Variants in FAM53B observed in about 807,000 individuals in gnomAD.
The protein encoded by FAM53B is family with sequence similarity 53 member B, also known as protein FAM53B.
FAM53B carries 12 observed loss-of-function variants against 32.7 expected under a neutral mutation model. The observed-to-expected ratio is 0.37, with a 90% CI of 0.24 to 0.59. The LOEUF (loss-of-function observed/expected upper bound fraction) is 0.59, where lower values mean the gene tolerates loss of function less well. FAM53B is among the 20% of genes least tolerant of loss of function. The pLI is 0.72. For missense variants in FAM53B, 477 were observed against 577.7 expected, an observed-to-expected ratio of 0.83 and a Z score of 1.79; for synonymous variants, 234 against 228.7, an observed-to-expected ratio of 1.02 and a Z score of -0.21.
At chr10:124,703,794 A>G (rs935977720) in intron 2 of FAM53B, 2 of 152,396 alleles carry the variant, frequency 1.3e-5, no homozygotes, top group African/African-American at 4.8e-5. Flanking sequence ...GAGTTCAGGA[A>G]GAAAGCACAG....
At chr10:124,701,532 A>G (rs1949914853) in intron 2 of FAM53B, among the ~76,000 whole-genome samples, 1 of 152,220 alleles carries the variant, frequency 6.6e-6, no homozygotes, top group Non-Finnish European at 1.5e-5. Flanking sequence ...GGAGGTGGTC[A>G]CTCTGGAAAC....
intron 4 of FAM53B, among the ~76,000 whole-genome samples, chr10:124,652,457 C>T (rs964805929): frequency 2.0e-5 from 3 of 152,108 alleles, no homozygotes; most frequent in Non-Finnish European, 4.4e-5. Context: ...AGAAGGGGCC[C>T]GGCCCACAGC....
At chr10:124,623,690 A>G (rs1949327607) in intron 4 of FAM53B, 86 bp from the exon 5 acceptor site, 2 of 1,449,742 alleles carry the variant, frequency 1.4e-6, no homozygotes, top group Admixed American at 4.8e-5. Flanking sequence ...CAACTAGACC[A>G]CCAGGCTGTG....
chr10:124,674,382 G>A (rs1025805893), intron 4 of FAM53B, among the ~76,000 whole-genome samples: 9 of 152,180 alleles, frequency 5.9e-5, no homozygotes, highest in Admixed American at 3.9e-4. Context: ...AGCTCCAAGC[G>A]CTTCATACAA....
intron 4 of FAM53B, among the ~76,000 whole-genome samples, chr10:124,680,484 G>C (rs760643554): frequency 6.6e-6 from 1 of 152,198 alleles, no homozygotes; most frequent in Non-Finnish European, 1.5e-5. Context: ...CCCATGAAGA[G>C]AAACTGCATG....
At position 124,742,193 on chromosome 10, in the gene FAM53B, A is replaced by G. The variant is rs575520857; in HGVS notation, c.-175+1820T>C. On this transcript the variant is annotated intron_variant, in intron 1 of 4. Transcript: ENST00000337318. The stretch of plus-strand genomic sequence containing the variant: ...ACTCCCAGGTCGCATGATGGGTGAC[A>G]GCCAAGTGCAGACACAGAGTCAAGG... Among the ~76,000 whole-genome samples the G allele has an allele frequency of 3.3e-5, 5 of 152,330 alleles. No individual in the cohort carries two copies. The South Asian group carries it at 1.0e-3, about 32-fold the overall frequency.
At chr10:124,638,747 G>A (rs1949450039) in intron 4 of FAM53B, among the ~76,000 whole-genome samples, 1 of 152,368 alleles carries the variant, frequency 6.6e-6, no homozygotes, top group South Asian at 2.1e-4. Flanking sequence ...CTTCAGGGGC[G>A]AGGACAAGGT....
chr10:124,628,147 C>A (rs1033900014), intron 4 of FAM53B, among the ~76,000 whole-genome samples: 1 of 152,212 alleles, frequency 6.6e-6, no homozygotes, highest in South Asian at 2.1e-4. Context: ...CTGAACTAAA[C>A]CACATGTTTT....
chr10:124,742,188 G>C (rs1447141700), intron 1 of FAM53B, among the ~76,000 whole-genome samples: 1 of 152,144 alleles, frequency 6.6e-6, no homozygotes, highest in Non-Finnish European at 1.5e-5. Context: ...CGCATGATGG[G>C]TGACAGCCAA....
intron 1 of FAM53B, among the ~76,000 whole-genome samples, chr10:124,734,940 T>C (rs115015015): frequency 1.3e-3 from 198 of 152,276 alleles, no homozygotes; most frequent in African/African-American, 4.5e-3. Context: ...AGGGCTCCTT[T>C]CAAAGCTTCA....
intron 1 of FAM53B, among the ~76,000 whole-genome samples, chr10:124,728,535 C>T (rs1192797549): frequency 2.0e-5 from 3 of 152,226 alleles, no homozygotes; most frequent in South Asian, 2.1e-4. Context: ...GGATCCCTGA[C>T]GCCTCCAGAC....
At chr10:124,719,930 A>C (rs1439500749) in intron 1 of FAM53B, among the ~76,000 whole-genome samples, 1 of 152,228 alleles carries the variant, frequency 6.6e-6, no homozygotes, top group Non-Finnish European at 1.5e-5. Flanking sequence ...TGGGAGGCCA[A>C]GGCAGGCAGA....
chr10:124,721,843 G>A (rs893295470), intron 1 of FAM53B, among the ~76,000 whole-genome samples: 7 of 152,152 alleles, frequency 4.6e-5, no homozygotes, highest in Admixed American at 6.5e-5. Context: ...AGTACATATC[G>A]TATCGTTAGG....
chr10:124,685,796 C>T (rs1445159742), intron 3 of FAM53B, among the ~76,000 whole-genome samples: 2 of 152,218 alleles, frequency 1.3e-5, no homozygotes, highest in African/African-American at 4.8e-5. Context: ...CATGGCCAGC[C>T]TGCGATCTTG....
At chr10:124,656,768 G>T (rs371583666) in intron 4 of FAM53B, among the ~76,000 whole-genome samples, 4 of 152,086 alleles carry the variant, frequency 2.6e-5, no homozygotes, top group South Asian at 4.1e-4. Context: ...AACATTCACA[G>T]TCTTTGAAAC....
chr10:124,690,554 A>G (rs1406197770), intron 3 of FAM53B, among the ~76,000 whole-genome samples: 2 of 152,232 alleles, frequency 1.3e-5, no homozygotes, highest in Non-Finnish European at 2.9e-5. Context: ...AACCTGGGTA[A>G]GAAGGCAGCC....
chr10:124,666,968 G>T (rs953235195), intron 4 of FAM53B, among the ~76,000 whole-genome samples: 1 of 152,206 alleles, frequency 6.6e-6, no homozygotes, highest in African/African-American at 2.4e-5. Context: ...TTACCAGCTG[G>T]CATTGGGCCC....
intron 3 of FAM53B, among the ~76,000 whole-genome samples, chr10:124,686,713 A>C (rs1463430670): frequency 6.6e-6 from 1 of 152,278 alleles, no homozygotes; most frequent in Non-Finnish European, 1.5e-5. Context: ...AGCAGGGCAC[A>C]CAGCAGACCT....
At chr10:124,643,989 G>C (rs1949494179) in intron 4 of FAM53B, among the ~76,000 whole-genome samples, 1 of 152,188 alleles carries the variant, frequency 6.6e-6, no homozygotes, top group African/African-American at 2.4e-5. Flanking sequence ...GCTCATGCCA[G>C]GGGCCTCCAC....
Sources: allele counts gnomAD v4.1 joint callset (sites outside exome capture counted in the v4.1 genomes callset), GRCh38; gene constraint gnomAD v4.1.1; transcripts MANE v1.5; gene names NCBI Gene and HGNC (gene_info 2026-07-23, HGNC 2026-07-21).